The following SEPHS1 variants were observed in gnomAD, a reference collection of about 807,000 sequenced individuals.
SEPHS1 encodes the protein selenophosphate synthetase 1.
SEPHS1 carries 7 observed loss-of-function variants against 39.2 expected under a neutral mutation model. The observed-to-expected ratio is 0.18, with a 90% CI of 0.10 to 0.34. The LOEUF is 0.34. SEPHS1 is among the 10% of genes least tolerant of loss of function. The pLI, the probability that SEPHS1 is intolerant of heterozygous loss-of-function variation, is 1.00. For synonymous variants in SEPHS1, 190 were observed against 195.5 expected (o/e 0.97, Z 0.23); for missense variants, 253 against 514.5 (o/e 0.49, Z 4.92).
intron 2 of SEPHS1, among the ~76,000 whole-genome samples, chr10:13,340,956 AC>A (rs778227491): frequency 6.8e-4 from 104 of 152,334 alleles, no homozygotes; most frequent in South Asian, 1.9e-3. Context: ...AGTACCAAAA[AC>A]CAACATCTCA....
intron 8 of SEPHS1, among the ~76,000 whole-genome samples, chr10:13,321,565 CT>C (rs1242254787): frequency 2.0e-5 from 3 of 152,012 alleles, no homozygotes; most frequent in Non-Finnish European, 4.4e-5. Flanking sequence ...GGTGATTCCA[CT>C]CTTTTGCGGG....
Position 13,322,947 on chromosome 10 carries a change from G to A in SEPHS1, c.852C>T (p.Asn284=), listed in dbSNP as rs759043625. The change falls in exon 8 of 9, where the codon AAC becomes AAT. Residue 284 remains asparagine, a synonymous_variant. Coordinates refer to ENST00000327347, the MANE Select transcript of SEPHS1 (RefSeq NM_012247.5). ...GGTTGTGAATTACAAACGACACCTC[G>A]TTCCTCTGCTGCTTGGCCAGGTTCT... ...HAQNLAKQQR[N]EVSFVIHNLP... 1.3e-5 allele frequency: 21 copies of A among 1,613,882 alleles called. No homozygotes were observed. Among genetic ancestry groups the A allele is most frequent in the East Asian group, 6.7e-5 (3 of 44,892 alleles).
intron 5 of SEPHS1, among the ~76,000 whole-genome samples, chr10:13,333,137 T>C (rs1294480491): frequency 2.0e-5 from 2 of 101,050 alleles, no homozygotes; most frequent in East Asian, 4.0e-4. Context: ...ATACATCTAT[T>C]TTTTTTTTTT....
intron 2 of SEPHS1, among the ~76,000 whole-genome samples, chr10:13,342,002 G>A (rs540222259): frequency 5.9e-5 from 9 of 151,708 alleles, no homozygotes; most frequent in Non-Finnish European, 1.3e-4. Flanking sequence ...AAAGATGGCG[G>A]GGCGCGGTGT....
chr10:13,342,682 A>G (rs1209512188), intron 2 of SEPHS1, among the ~76,000 whole-genome samples: 4 of 152,222 alleles, frequency 2.6e-5, no homozygotes, highest in Non-Finnish European at 5.9e-5. Context: ...ATATGTAAGT[A>G]CAGACATACA....
Position 13,323,056 on chromosome 10 carries a change from G to C in SEPHS1, c.752-9C>G. On this transcript the variant is annotated splice_polypyrimidine_tract_variant and intron_variant, in intron 7 of 8. Coordinates refer to ENST00000327347, the MANE Select transcript of SEPHS1 (RefSeq NM_012247.5). ...GTGCATGAGTCCTGCAGCTGGGAGA[G>C]AGAGGGGGCGGCTCTGAGAAAAAAC... 6.2e-7 allele frequency: 1 copy of C among 1,613,122 alleles called. No homozygotes were observed. Among genetic ancestry groups the C allele is most frequent in the Non-Finnish European group, 8.5e-7 (1 of 1,179,366 alleles).
At chr10:13,324,161 C>T (rs931677759) in intron 7 of SEPHS1, among the ~76,000 whole-genome samples, 3 of 152,194 alleles carry the variant, frequency 2.0e-5, no homozygotes, top group Admixed American at 6.5e-5. Context: ...GAATGTCATG[C>T]AGTTGGAATC....
intron 2 of SEPHS1, among the ~76,000 whole-genome samples, chr10:13,342,828 C>T (rs1362520995): frequency 2.0e-5 from 3 of 151,910 alleles, no homozygotes; most frequent in Non-Finnish European, 4.4e-5. Context: ...CTCTGCCTCC[C>T]GGGCTCAAGG....
At chr10:13,341,683 G>A (rs934494121) in intron 2 of SEPHS1, among the ~76,000 whole-genome samples, 2 of 152,202 alleles carry the variant, frequency 1.3e-5, no homozygotes, top group East Asian at 3.8e-4. Flanking sequence ...CAGGCCGGGC[G>A]CGGGGGCTCA....
At chr10:13,320,460 C>A (rs191149098) in intron 8 of SEPHS1, among the ~76,000 whole-genome samples, 2 of 151,946 alleles carry the variant, frequency 1.3e-5, no homozygotes, top group Admixed American at 1.3e-4. Flanking sequence ...GGATTACAGG[C>A]GTGAGCCACT....
intron 2 of SEPHS1, among the ~76,000 whole-genome samples, chr10:13,343,880 T>C (rs989072507): frequency 1.3e-5 from 2 of 152,072 alleles, no homozygotes; most frequent in African/African-American, 2.4e-5. Flanking sequence ...TCCGAAACTA[T>C]GCGTCGAACA....
intron 4 of SEPHS1, among the ~76,000 whole-genome samples, chr10:13,335,685 C>T (rs897445804): frequency 2.2e-5 from 3 of 136,772 alleles, no homozygotes; most frequent in Non-Finnish European, 4.7e-5. Context: ...AAAAAATATA[C>T]ACAAATGCCT....
intron 8 of SEPHS1, among the ~76,000 whole-genome samples, chr10:13,320,251 G>A (rs1045934396): frequency 6.6e-6 from 1 of 150,544 alleles, no homozygotes; most frequent in East Asian, 2.0e-4. Context: ...GTGTGATCTC[G>A]GCTCACTGCA....
intron 5 of SEPHS1, among the ~76,000 whole-genome samples, chr10:13,331,960 G>A (rs571225768): frequency 1.6e-4 from 24 of 152,222 alleles, no homozygotes; most frequent in Non-Finnish European, 2.5e-4. Flanking sequence ...ACGTAAAATG[G>A]CGCAGCCATG....
At chr10:13,341,187 A>C (rs1833772686) in intron 2 of SEPHS1, among the ~76,000 whole-genome samples, 1 of 152,162 alleles carries the variant, frequency 6.6e-6, no homozygotes, top group African/African-American at 2.4e-5. Flanking sequence ...GAAGGAAGAG[A>C]GAAGGGGTGA....
intron 4 of SEPHS1, among the ~76,000 whole-genome samples, chr10:13,334,580 T>C (rs1833568985): frequency 6.6e-6 from 1 of 151,408 alleles, no homozygotes; most frequent in African/African-American, 2.4e-5. Flanking sequence ...TGTGGTGGCA[T>C]GTGCCTGTGG....
At chr10:13,323,965 C>G (rs1020197724) in intron 7 of SEPHS1, among the ~76,000 whole-genome samples, 4 of 151,958 alleles carry the variant, frequency 2.6e-5, no homozygotes, top group African/African-American at 9.7e-5. Flanking sequence ...ATTTAATTAT[C>G]CATTCACCCG....
intron 8 of SEPHS1, chr10:13,321,968 T>G: frequency 2.3e-6 from 1 of 431,328 alleles, no homozygotes; most frequent in Non-Finnish European, 4.6e-6. Flanking sequence ...GCGTATGGTG[T>G]CAGACCTGCA....
chr10:13,322,672 G>A (rs979656750), intron 8 of SEPHS1, among the ~76,000 whole-genome samples, 163 bp downstream of exon 8: 2 of 152,170 alleles, frequency 1.3e-5, no homozygotes, highest in African/African-American at 4.8e-5. Context: ...GCGGGGACCA[G>A]ACCCACCGGG....
Sources: gnomAD v4.1 joint callset for allele counts (sites outside exome capture counted in the v4.1 genomes callset) on GRCh38, gnomAD v4.1.1 for gene constraint, MANE v1.5 for transcripts, NCBI Gene and HGNC (gene_info 2026-07-23, HGNC 2026-07-21) for gene names.